The following SH3RF1 variants were observed in gnomAD, a reference collection of about 807,000 sequenced individuals.
SH3RF1 encodes E3 ubiquitin-protein ligase SH3RF1.
Under a neutral mutation model 74.0 loss-of-function variants are expected in SH3RF1, and 32 were observed. The observed-to-expected ratio is 0.43, with a 90% CI of 0.33 to 0.58. The LOEUF is 0.58. SH3RF1 is among the 20% of genes least tolerant of loss of function. SH3RF1 has a pLI of 0.05. For synonymous variants in SH3RF1, 396 were observed against 439.6 expected (o/e 0.90, Z 1.24); for missense variants, 954 against 1,130.9 (o/e 0.84, Z 2.24).
chr4:169,171,230 G>T (rs2126973272), intron 2 of SH3RF1, among the ~76,000 whole-genome samples: 1 of 152,300 alleles, frequency 6.6e-6, no homozygotes, highest in East Asian at 1.9e-4. Context: ...TCTGTTTTCT[G>T]TGAATCAGAG....
At position 169,122,189 on chromosome 4, in the gene SH3RF1, G is replaced by A. The variant is rs369189875; in HGVS notation, c.1257C>T (p.Ala419=). The part of the protein sequence containing the change: ...VLASTPPGAT[A]AAAAAGMGPR... ...GTCCCATTCCAGCAGCAGCAGCAGCGGCGGTGGCGCCTGGTGGTGTGGAGG... is the reference window on the plus strand; with the variant it reads ...GTCCCATTCCAGCAGCAGCAGCAGCAGCGGTGGCGCCTGGTGGTGTGGAGG... Residue 419 remains alanine (A), a synonymous_variant, in exon 7 of 12, where the codon GCC becomes GCT. Coordinates refer to ENST00000284637, the MANE Select transcript of SH3RF1 (RefSeq NM_020870.4). 22 of 1,613,684 alleles carry A rather than the reference G, an allele frequency of 1.4e-5. No homozygotes were observed. In the East Asian group the frequency reaches 2.2e-4, roughly 16 times the overall value.
chr4:169,113,179 C>T (rs1371914755), intron 10 of SH3RF1, among the ~76,000 whole-genome samples: 1 of 151,382 alleles, frequency 6.6e-6, no homozygotes, highest in African/African-American at 2.4e-5. Context: ...GGTGTGATCT[C>T]GGCTCACTGC....
chr4:169,171,654 T>C (rs1734328976), intron 2 of SH3RF1, among the ~76,000 whole-genome samples: 1 of 152,200 alleles, frequency 6.6e-6, no homozygotes, highest in African/African-American at 2.4e-5. Context: ...ATACTGATTA[T>C]TTTTGAACAC....
intron 4 of SH3RF1, among the ~76,000 whole-genome samples, chr4:169,137,131 G>GTA (rs1445701201): frequency 6.6e-6 from 1 of 152,192 alleles, no homozygotes; most frequent in African/African-American, 2.4e-5. Flanking sequence ...GTGCTTCCAT[G>GTA]TATATTTACC....
At chr4:169,136,645 C>T (rs375135471) in intron 4 of SH3RF1, 25 bp from the exon 5 acceptor site, 3 of 1,475,558 alleles carry the variant, frequency 2.0e-6, no homozygotes, top group South Asian at 3.0e-5. Flanking sequence ...AACAAACCAA[C>T]ACAAGAAGGT....
intron 2 of SH3RF1, among the ~76,000 whole-genome samples, chr4:169,242,125 AT>A (rs936665634): frequency 2.0e-3 from 301 of 151,044 alleles, no homozygotes; most frequent in Non-Finnish European, 2.3e-3. Flanking sequence ...TTCAATTTAA[AT>A]TTTTTTTTTT....
intron 10 of SH3RF1, among the ~76,000 whole-genome samples, chr4:169,111,976 G>A (rs986143461): frequency 5.9e-5 from 9 of 152,132 alleles, no homozygotes; most frequent in African/African-American, 1.7e-4. Context: ...AGGAGTAGCC[G>A]GTTAGAAGAG....
chr4:169,117,221 GGTA>G (rs1406006340), intron 9 of SH3RF1, among the ~76,000 whole-genome samples: 2 of 152,182 alleles, frequency 1.3e-5, no homozygotes, highest in East Asian at 1.9e-4. Context: ...TCACATGGAT[GGTA>G]GTAGTGAGAT....
chr4:169,169,668 G>C (rs1171679681), intron 2 of SH3RF1, among the ~76,000 whole-genome samples: 1 of 152,120 alleles, frequency 6.6e-6, no homozygotes, highest in Non-Finnish European at 1.5e-5. Context: ...AAAGGTGAGA[G>C]AAGGAAGGAA....
At chr4:169,203,655 A>C (rs1734947395) in intron 2 of SH3RF1, among the ~76,000 whole-genome samples, 1 of 152,186 alleles carries the variant, frequency 6.6e-6, no homozygotes, top group South Asian at 2.1e-4. Context: ...TAAATGATAG[A>C]AAAGAATGTA....
At chr4:169,193,861 G>C (rs1734767174) in intron 2 of SH3RF1, among the ~76,000 whole-genome samples, 1 of 152,140 alleles carries the variant, frequency 6.6e-6, no homozygotes, top group Non-Finnish European at 1.5e-5. Flanking sequence ...CTGAACAAAA[G>C]GGACTGTTTC....
chr4:169,237,522 G>A (rs1348694671), intron 2 of SH3RF1, among the ~76,000 whole-genome samples: 1 of 152,086 alleles, frequency 6.6e-6, no homozygotes, highest in Non-Finnish European at 1.5e-5. Flanking sequence ...GAGGGGAAAT[G>A]GTTATACATA....
chr4:169,242,860 C>A (rs968839733), intron 2 of SH3RF1, among the ~76,000 whole-genome samples: 1 of 152,212 alleles, frequency 6.6e-6, no homozygotes, highest in African/African-American at 2.4e-5. Context: ...GACTTCCCAG[C>A]CTCCAGAACC....
intron 10 of SH3RF1, among the ~76,000 whole-genome samples, chr4:169,108,987 A>G (rs1579086084): frequency 6.6e-6 from 1 of 152,368 alleles, no homozygotes; most frequent in East Asian, 1.9e-4. Context: ...CCTTTCAATG[A>G]GCCTTTCAAT....
At chr4:169,219,937 G>A (rs1730535865) in intron 2 of SH3RF1, 1 of 152,132 alleles carries the variant, frequency 6.6e-6, no homozygotes, top group Admixed American at 6.5e-5. Flanking sequence ...TAGACAGTTT[G>A]TTATTAGCAA....
At chr4:169,116,907 G>C (rs1733343599) in intron 9 of SH3RF1, among the ~76,000 whole-genome samples, 1 of 152,182 alleles carries the variant, frequency 6.6e-6, no homozygotes, top group Non-Finnish European at 1.5e-5. Context: ...CCTCTCCACA[G>C]TGTTAGAGAC....
rs1458647143 is a variant in SH3RF1, at chr4:169,120,971, T to C, written c.1365A>G (p.Pro455=). 4 of 1,613,910 alleles carry C rather than the reference T, an allele frequency of 2.5e-6. No homozygotes were observed. The highest frequency in any genetic ancestry group is 1.7e-5 in the Admixed American group (1 of 60,018). The change falls in exon 8 of 12, where the codon CCA becomes CCG. Residue 455 remains proline, a synonymous_variant. Coordinates refer to ENST00000284637, the MANE Select transcript of SH3RF1 (RefSeq NM_020870.4). ...GTTCATCCTCTTTCCGAGGAGTGTA[T>C]GGATATATAGCAACATACCTAGAAT... The part of the protein sequence containing the change: ...TRPSVYVAIY[P]YTPRKEDELE...
At chr4:169,201,333 A>G (rs1368609835) in intron 2 of SH3RF1, among the ~76,000 whole-genome samples, 1 of 152,182 alleles carries the variant, frequency 6.6e-6, no homozygotes, top group Non-Finnish European at 1.5e-5. Context: ...ATTTATCTCC[A>G]CTGGGAATAC....
intron 11 of SH3RF1, among the ~76,000 whole-genome samples, chr4:169,101,530 C>T (rs1270400527): frequency 1.3e-5 from 2 of 151,890 alleles, no homozygotes; most frequent in South Asian, 2.1e-4. Flanking sequence ...AAACGGATAG[C>T]AGTGAATGGT....
Sources: gnomAD v4.1 joint callset for allele counts (sites outside exome capture counted in the v4.1 genomes callset) on GRCh38, gnomAD v4.1.1 for gene constraint, MANE v1.5 for transcripts, NCBI Gene and HGNC (gene_info 2026-07-23, HGNC 2026-07-21) for gene names.